WDR20: variants seen among roughly 807,000 people sequenced by gnomAD.
WDR20 encodes the protein WD repeat-containing protein 20.
In WDR20, 3 loss-of-function variants were observed where a neutral mutation model predicts 38.7. The observed-to-expected ratio is 0.08, with a 90% CI of 0.04 to 0.20. The LOEUF is 0.20. Among genes scored for constraint, WDR20 ranks in the 10% least tolerant of loss-of-function variants. The pLI, the probability that WDR20 is intolerant of heterozygous loss-of-function variation, is 1.00. For missense variants in WDR20, 559 were observed against 727.7 expected (o/e 0.77, Z 2.67); for synonymous variants, 298 against 285.6 (o/e 1.04, Z -0.44).
intron 1 of WDR20, chr14:102,193,587 A>G: frequency 3.4e-6 from 5 of 1,478,006 alleles, no homozygotes; most frequent in Non-Finnish European, 4.6e-6. Flanking sequence ...ACTACTTGTT[A>G]CCGCTCAGGT....
intron 2 of WDR20, among the ~76,000 whole-genome samples, chr14:102,200,672 G>A (rs114887819): frequency 0.015 from 2,286 of 152,268 alleles, 64 homozygotes; most frequent in African/African-American, 0.052. Context: ...AACTTTGAAG[G>A]ATTTTCAAGT....
intron 2 of WDR20, chr14:102,197,787 G>C (rs1489478787): frequency 1.4e-6 from 1 of 702,722 alleles, no homozygotes; most frequent in South Asian, 1.5e-5. Context: ...AGGTGGATTG[G>C]AATGAAGAAA....
At chr14:102,152,214 G>A (rs2056143537) in intron 1 of WDR20, among the ~76,000 whole-genome samples, 3 of 151,730 alleles carry the variant, frequency 2.0e-5, no homozygotes, top group Admixed American at 2.0e-4. Context: ...CTGAACCCTG[G>A]CCCATGAGTA....
downstream of WDR20, chr14:102,210,659 G>A (rs1241103318): frequency 3.9e-6 from 2 of 507,584 alleles, no homozygotes; most frequent in South Asian, 8.5e-5. Flanking sequence ...CCACATAAGC[G>A]AAGACCTTTT....
At chr14:102,147,306 T>C (rs918900917) in intron 1 of WDR20, among the ~76,000 whole-genome samples, 1 of 152,166 alleles carries the variant, frequency 6.6e-6, no homozygotes, top group Non-Finnish European at 1.5e-5. Context: ...GGAGAATCAC[T>C]TGAACCCAGG....
chr14:102,193,626 G>GCAAAC, intron 1 of WDR20: 1 of 1,029,050 alleles, frequency 9.7e-7, no homozygotes, highest in Non-Finnish European at 1.4e-6. Flanking sequence ...AAGGTTTTGA[G>GCAAAC]TTTGCTCAAA....
intron 1 of WDR20, among the ~76,000 whole-genome samples, chr14:102,179,465 A>G (rs994757720): frequency 2.0e-5 from 3 of 151,010 alleles, no homozygotes; most frequent in African/African-American, 7.3e-5. Context: ...AGAAAGAAAA[A>G]AGAAATGGGG....
At chr14:102,141,991 T>C (rs2051390936) in intron 1 of WDR20, among the ~76,000 whole-genome samples, 1 of 152,214 alleles carries the variant, frequency 6.6e-6, no homozygotes, top group Non-Finnish European at 1.5e-5. Context: ...AGCCCTGTTT[T>C]ACATCATAAA....
At position 102,184,798 on chromosome 14, in the gene WDR20, CCT is replaced by C. The variant is rs546650781; in HGVS notation, c.250-10137_250-10136del. Among the ~76,000 whole-genome samples the C allele has an allele frequency of 3.9e-5, 6 of 152,262 alleles. No homozygotes were observed. The South Asian group carries it at 1.2e-3, about 32-fold the overall frequency. Reference sequence around the variant, plus strand: ...TTGACTTATTGTCTTGCCTGCCTCCCCTCTGTCTAATTCTCTGTGCCGCCTCT... The same window carrying C: ...TTGACTTATTGTCTTGCCTGCCTCCCCTGTCTAATTCTCTGTGCCGCCTCT... On this transcript the variant is annotated intron_variant, in intron 1 of 2. Transcript: ENST00000342702.
At chr14:102,203,404 T>C (rs1448683916) in intron 2 of WDR20, among the ~76,000 whole-genome samples, 1 of 152,212 alleles carries the variant, frequency 6.6e-6, no homozygotes, top group Non-Finnish European at 1.5e-5. Context: ...TAGAACCCTG[T>C]GTGTGTTTAC....
chr14:102,179,075 A>G (rs2062798799), intron 1 of WDR20: 1 of 152,114 alleles, frequency 6.6e-6, no homozygotes, highest in Non-Finnish European at 1.5e-5. Context: ...TCTTGCTCCC[A>G]GAGAATGCGT....
chr14:102,207,394 G>A lies in WDR20; in HGVS notation c.433-1209G>A, dbSNP rs576329034. Among the ~76,000 whole-genome samples the A allele has an allele frequency of 2.6e-5, 4 of 152,358 alleles. No individual in the cohort carries two copies. The highest frequency in any genetic ancestry group is 2.1e-4 in the South Asian group (1 of 4,834). On this transcript the variant is annotated intron_variant, in intron 2 of 2. Coordinates refer to ENST00000342702, the MANE Select transcript of WDR20 (RefSeq NM_144574.4). The surrounding 1 kb of genome is among the most constrained non-coding windows in gnomAD (Gnocchi z 5.0). The stretch of plus-strand genomic sequence containing the variant: ...TCTGTAAAGATGTAGCACACATGGC[G>A]GGCACATGGCCTCAAAGCCACCCTG...
intron 2 of WDR20, among the ~76,000 whole-genome samples, chr14:102,201,355 CATATTG>C (rs2060351529): frequency 6.6e-6 from 1 of 151,844 alleles, no homozygotes; most frequent in South Asian, 2.1e-4. Flanking sequence ...TTTTGCTTAT[CATATTG>C]ATAGTAATGA....
At position 102,196,660 on chromosome 14, in the gene WDR20, A is replaced by G. The variant is rs200751005; in HGVS notation, c.432+1540A>G. Among the ~76,000 whole-genome samples the G allele has an allele frequency of 2.0e-5, 3 of 151,860 alleles. No individual in the cohort carries two copies. In the East Asian group the frequency reaches 5.8e-4, roughly 29 times the overall value. Reference sequence around the variant, plus strand: ...AAGTTTTGTGTGTCGTGGCAGGGGGAGGGCAGGGAGTTGGAGACCACACGT... The same window carrying G: ...AAGTTTTGTGTGTCGTGGCAGGGGGGGGGCAGGGAGTTGGAGACCACACGT... On this transcript the variant is annotated intron_variant, in intron 2 of 2. Coordinates refer to ENST00000342702, the MANE Select transcript of WDR20 (RefSeq NM_144574.4).
At chr14:102,167,759 C>T (rs1171682961) in intron 1 of WDR20, 1 of 152,210 alleles carries the variant, frequency 6.6e-6, no homozygotes, top group African/African-American at 2.4e-5. Flanking sequence ...TGTCTCTTTA[C>T]TCCCTACCCA....
In WDR20 at chr14:102,220,719, C is replaced by CAA. The variant is rs35097607; in HGVS notation, c.1693-2094_1693-2093dup. On this transcript the variant is annotated intron_variant, in intron 3 of 3. Transcript: ENST00000335263. This position sits in a 1 kb window ranked among gnomAD's most constrained non-coding sequence, Gnocchi z 4.2. The stretch of plus-strand genomic sequence containing the variant: ...TGGACAACAAAGTGAGACTCCGTCT[C>CAA]AAAAAAAAAAAAAAAAAAGAAAATA... 2.7e-5 allele frequency among the ~76,000 whole-genome samples: 3 copies of CAA among 111,714 alleles called. No homozygotes were observed. The highest frequency in any genetic ancestry group is 2.9e-4 in the South Asian group (1 of 3,406). The allele number at this position is 111,714 out of a possible 152,430, so 73.3% of individuals were successfully genotyped here. A position where few individuals can be genotyped will look rare whatever the true frequency, so the allele number is the denominator to read the frequency against.
rs764329600 is a variant in WDR20, at chr14:102,209,426, C to A, written c.1256C>A (p.Thr419Lys). Reference protein sequence around the residue: ...PPAGSNGNSVTTPGNSVPPPL... With the variant: ...PPAGSNGNSVKTPGNSVPPPL... ...GCTGGAAGCAATGGGAACAGTGTTA[C>A]AACACCCGGGAACTCTGTGCCGCCT... is the stretch of plus-strand genomic sequence containing the variant. The change falls in exon 3 of 3, where the codon ACA becomes AAA. Residue 419 changes from threonine to lysine, a missense_variant. Physicochemically the swap from Thr to Lys is moderately conservative, Grantham distance 78. Coordinates refer to ENST00000342702, the MANE Select transcript of WDR20 (RefSeq NM_144574.4). The surrounding 1 kb of genome is among the most constrained non-coding windows in gnomAD (Gnocchi z 6.0). The A allele has an allele frequency of 2.5e-6, 4 of 1,614,196 alleles. No individual in the cohort carries two copies. The East Asian group carries it at 6.7e-5, about 27-fold the overall frequency.
intron 1 of WDR20, among the ~76,000 whole-genome samples, chr14:102,154,797 A>G (rs1054161719): frequency 6.6e-6 from 1 of 152,204 alleles, no homozygotes; most frequent in Non-Finnish European, 1.5e-5. Flanking sequence ...GGTGAGAATG[A>G]TAACTTCACA....
intron 1 of WDR20, among the ~76,000 whole-genome samples, chr14:102,163,497 G>A (rs752421470): frequency 4.6e-5 from 7 of 151,924 alleles, no homozygotes; most frequent in South Asian, 2.1e-4. Context: ...GCGTGGTGGC[G>A]TGTGCCTGTA....
Sources: allele counts gnomAD v4.1 joint callset (sites outside exome capture counted in the v4.1 genomes callset), GRCh38; gene constraint gnomAD v4.1.1; non-coding constraint Gnocchi (gnomAD v3.1); transcripts MANE v1.5; gene names NCBI Gene and HGNC (gene_info 2026-07-23, HGNC 2026-07-21).